NOX4: variants seen among roughly 807,000 people sequenced by gnomAD.
The protein encoded by NOX4 is NADPH oxidase 4, also known as kidney oxidase-1.
A neutral mutation model predicts 87.6 loss-of-function variants in NOX4; 69 were observed. The ratio of observed to expected loss-of-function variants is 0.79; its 90% CI spans 0.65 to 0.96. NOX4 has a LOEUF of 0.96. Among genes scored for constraint, NOX4 ranks in the 40% least tolerant of loss-of-function variants. The probability of loss-of-function intolerance (pLI) is 0.00; values close to 1 mark genes in which losing one functional copy is unlikely to be tolerated. For missense variants in NOX4, 680 were observed against 681.5 expected (o/e 1.00, Z 0.02); for synonymous variants, 275 against 238.2 (o/e 1.15, Z -1.42).
In NOX4 at chr11:89,491,264, G is replaced by A. The variant is rs763271476; in HGVS notation, c.-18C>T. On this transcript the variant is annotated 5_prime_UTR_variant, in exon 1 of 18. Coordinates refer to ENST00000263317, the MANE Select transcript of NOX4 (RefSeq NM_016931.5). ...ACAGCCATGCCGCCGGCCCCGCCGCGCTGCGCTCTGTGCCCGCCGGACCGA... is the reference window on the plus strand; with the variant it reads ...ACAGCCATGCCGCCGGCCCCGCCGCACTGCGCTCTGTGCCCGCCGGACCGA... 24 of 1,610,892 alleles carry A rather than the reference G, an allele frequency of 1.5e-5. No homozygotes were observed. Among genetic ancestry groups the A allele is most frequent in the Non-Finnish European group, 1.9e-5 (22 of 1,178,598 alleles).
chr11:89,334,337 CAAA>C (rs1178609496), intron 17 of NOX4, among the ~76,000 whole-genome samples: 4 of 151,606 alleles, frequency 2.6e-5, no homozygotes, highest in African/African-American at 9.7e-5. Context: ...CTGAATATTA[CAAA>C]AAAGTTCTGC....
intron 2 of NOX4, 35 bp downstream of exon 2, chr11:89,490,423 C>G: frequency 2.1e-6 from 3 of 1,417,298 alleles, no homozygotes; most frequent in Non-Finnish European, 3.0e-6. Flanking sequence ...GTGTTAAACC[C>G]ATTCCACCAG....
At chr11:89,547,711 C>T in the NOX4 span, among the ~76,000 whole-genome samples, 7 of 152,264 alleles carry the variant, frequency 4.6e-5, no homozygotes, top group South Asian at 4.1e-4. Context: ...ACAACACACA[C>T]GATTTTCAGG....
intron 6 of NOX4, among the ~76,000 whole-genome samples, chr11:89,436,606 T>C (rs981485521): frequency 6.6e-6 from 1 of 152,178 alleles, no homozygotes; most frequent in South Asian, 2.1e-4. Context: ...TTGTAATTTC[T>C]AGATGAACCT....
At chr11:89,368,851 G>A (rs1007399179) in intron 12 of NOX4, among the ~76,000 whole-genome samples, 1 of 151,872 alleles carries the variant, frequency 6.6e-6, no homozygotes, top group African/African-American at 2.4e-5. Context: ...AGCCCTAGGA[G>A]GTAACCCAAG....
At chr11:89,583,790 T>C in the NOX4 span, among the ~76,000 whole-genome samples, 1 of 152,246 alleles carries the variant, frequency 6.6e-6, no homozygotes, top group Admixed American at 6.5e-5. Context: ...GGTCTGTCTT[T>C]TTACCTGAGT....
intron 12 of NOX4, among the ~76,000 whole-genome samples, chr11:89,365,268 T>C (rs1172212149): frequency 6.6e-6 from 1 of 152,132 alleles, no homozygotes. Flanking sequence ...ACTCATTATT[T>C]TGCTTCTTAT....
intron 11 of NOX4, among the ~76,000 whole-genome samples, chr11:89,395,081 G>C (rs1313691785): frequency 2.0e-5 from 3 of 152,114 alleles, no homozygotes; most frequent in African/African-American, 7.2e-5. Flanking sequence ...TCGCCACACT[G>C]TCTCCCACAA....
chr11:89,370,242 AC>A (rs1447569296), intron 12 of NOX4, among the ~76,000 whole-genome samples: 1 of 152,028 alleles, frequency 6.6e-6, no homozygotes, highest in Non-Finnish European at 1.5e-5. Flanking sequence ...GGGAATTTAT[AC>A]CCAAGATTCA....
chr11:89,483,361 T>G (rs1946469845), intron 2 of NOX4, among the ~76,000 whole-genome samples: 1 of 151,912 alleles, frequency 6.6e-6, no homozygotes, highest in Non-Finnish European at 1.5e-5. Context: ...GGTCAACAGA[T>G]AAATGCATAA....
At chr11:89,432,340 A>G (rs1943844684) in intron 7 of NOX4, among the ~76,000 whole-genome samples, 1 of 152,072 alleles carries the variant, frequency 6.6e-6, no homozygotes, top group Non-Finnish European at 1.5e-5. Context: ...CCTAGAACTT[A>G]AAGTATAATA....
chr11:89,444,032 T>C, intron 5 of NOX4, 103 bp downstream of exon 5: 6 of 889,446 alleles, frequency 6.7e-6, no homozygotes, highest in Non-Finnish European at 9.1e-6. Flanking sequence ...TTAAAAGCAC[T>C]CAAAAGGAGC....
rs761703750 is a variant in NOX4, at chr11:89,444,231, G to A, written c.351C>T (p.Gly117=). 3.5e-5 allele frequency: 56 copies of A among 1,612,632 alleles called. No homozygotes were observed. Among genetic ancestry groups the A allele is most frequent in the Admixed American group, 6.7e-5 (4 of 59,918 alleles). The part of the protein sequence containing the change: ...TCGVTICIFS[G]VHVAAHLVNA... Reference sequence around the variant, plus strand: ...TCACCAGATGGGCAGCCACATGCACGCCTACAGAATTACACCAGGGGTAAG... The same window carrying A: ...TCACCAGATGGGCAGCCACATGCACACCTACAGAATTACACCAGGGGTAAG... Residue 117 remains glycine, a splice_region_variant and synonymous_variant, in exon 5 of 18, where the codon GGC becomes GGT. Transcript: ENST00000263317.
At chr11:89,475,390 T>C (rs1175379460) in intron 2 of NOX4, among the ~76,000 whole-genome samples, 1 of 152,092 alleles carries the variant, frequency 6.6e-6, no homozygotes, top group African/African-American at 2.4e-5. Context: ...AAGAATAATA[T>C]TGTCTTCAAA....
intron 7 of NOX4, among the ~76,000 whole-genome samples, chr11:89,432,329 C>T (rs1206934625): frequency 6.6e-6 from 1 of 151,242 alleles, no homozygotes; most frequent in Non-Finnish European, 1.5e-5. Flanking sequence ...TGCACATGTA[C>T]CCTAGAACTT....
At chr11:89,362,790 C>T (rs142421433) in intron 12 of NOX4, among the ~76,000 whole-genome samples, 243 of 151,994 alleles carry the variant, frequency 1.6e-3, no homozygotes, top group Middle Eastern at 6.8e-3. Flanking sequence ...AGGAAAACAC[C>T]ACACCAATGC....
the NOX4 span, among the ~76,000 whole-genome samples, chr11:89,567,306 A>G: frequency 3.3e-5 from 5 of 152,080 alleles, no homozygotes; most frequent in Non-Finnish European, 7.4e-5. Flanking sequence ...CCCGGATGAC[A>G]TGCACCTGCC....
chr11:89,567,386 G>A, the NOX4 span, among the ~76,000 whole-genome samples: 2 of 152,164 alleles, frequency 1.3e-5, no homozygotes, highest in Admixed American at 1.3e-4. Context: ...ATGCTATGGT[G>A]TGCACTCTGT....
the NOX4 span, among the ~76,000 whole-genome samples, chr11:89,520,191 T>G: frequency 6.6e-6 from 1 of 151,924 alleles, no homozygotes; most frequent in East Asian, 1.9e-4. Context: ...GCGCTACAGT[T>G]ATTGCCCTGA....
Sources: allele counts gnomAD v4.1 joint callset (sites outside exome capture counted in the v4.1 genomes callset), GRCh38; gene constraint gnomAD v4.1.1; transcripts MANE v1.5; gene names NCBI Gene and HGNC (gene_info 2026-07-23, HGNC 2026-07-21).